Variants in OVCH1 observed in about 807,000 individuals in gnomAD.
OVCH1 encodes ovochymase 1.
In OVCH1, 139 loss-of-function variants were observed where a neutral mutation model predicts 138.4. The observed-to-expected ratio is 1.00, with a 90% CI of 0.87 to 1.16. The LOEUF (loss-of-function observed/expected upper bound fraction) is 1.16. Ranked by LOEUF, OVCH1 falls within the 50% of genes most tolerant of loss-of-function variation. The pLI, the probability that OVCH1 is intolerant of heterozygous loss-of-function variation, is 0.00. For missense variants in OVCH1, 1,367 were observed against 1,357.9 expected, an observed-to-expected ratio of 1.01 and a Z score of -0.11; for synonymous variants, 453 against 467.8, an observed-to-expected ratio of 0.97 and a Z score of 0.41.
intron 7 of OVCH1, 100 bp from the exon 8 acceptor site, chr12:29,486,448 T>G: frequency 1.0e-6 from 1 of 965,814 alleles, no homozygotes; most frequent in Non-Finnish European, 1.5e-6. Context: ...GAATTATAAC[T>G]TCTACTAAAA....
Position 29,467,330 on chromosome 12 carries a change from A to G in OVCH1, c.1857-2111T>C, listed in dbSNP as rs572984482. The stretch of plus-strand genomic sequence containing the variant: ...TCCACAGTTTCTCATGATGTTTTAC[A>G]TGTACAGTCAGCAAATATCCTTCAG... On this transcript the variant is annotated intron_variant, in intron 16 of 27. Coordinates refer to ENST00000318184, the Ensembl canonical transcript of OVCH1. 2.0e-4 allele frequency among the ~76,000 whole-genome samples: 30 copies of G among 152,300 alleles called. 1 individual carries two copies. The South Asian group carries it at 5.0e-3, about 25-fold the overall frequency.
intron 22 of OVCH1, among the ~76,000 whole-genome samples, chr12:29,448,396 G>T (rs1236550997): frequency 6.6e-6 from 1 of 151,736 alleles, no homozygotes; most frequent in Admixed American, 6.6e-5. Context: ...TGGAGGCAGG[G>T]GCGTGATACA....
chr12:29,405,392 T>A, the OVCH1 span, among the ~76,000 whole-genome samples: 2 of 152,202 alleles, frequency 1.3e-5, no homozygotes, highest in African/African-American at 2.4e-5. Context: ...TTGGTGTTTT[T>A]AAATATCCAT....
chr12:29,413,661 T>TACACACACACACACACAC (rs34675791), intron 3 of OVCH1, among the ~76,000 whole-genome samples: 3 of 149,044 alleles, frequency 2.0e-5, no homozygotes, highest in African/African-American at 7.5e-5. Context: ...CTGTGTGTAT[T>TACACACACACACACACAC]ACACACATAC....
In OVCH1 at chr12:29,450,040, G is replaced by A. The variant is rs753781842; in HGVS notation, c.2755+1305C>T. Among the ~76,000 whole-genome samples the A allele has an allele frequency of 6.6e-5, 10 of 152,024 alleles. No homozygotes were observed. In the South Asian group the frequency reaches 8.3e-4, roughly 13 times the overall value. On this transcript the variant is annotated intron_variant, in intron 22 of 27. Transcript: ENST00000318184. Reference sequence around the variant, plus strand: ...CGCAAGATGGATTAAAGACTTAAACGTAAGACCTAAAACCCTAAAAACCCT... The same window carrying A: ...CGCAAGATGGATTAAAGACTTAAACATAAGACCTAAAACCCTAAAAACCCT...
At chr12:29,460,238 G>A (rs534794028) in intron 19 of OVCH1, among the ~76,000 whole-genome samples, 22 of 152,148 alleles carry the variant, frequency 1.4e-4, no homozygotes, top group African/African-American at 3.6e-4. Flanking sequence ...TTTTCTTTCC[G>A]CACAAAATAA....
rs532947588 is a variant in OVCH1 at position 29,466,579 on chromosome 12, C to T, written c.1857-1360G>A. 1.8e-4 allele frequency among the ~76,000 whole-genome samples: 28 copies of T among 152,206 alleles called. 1 individual carries two copies. In the South Asian group the frequency reaches 5.6e-3, roughly 30 times the overall value. ...AACTATTGCGTTAGAAATCAGAATG[C>T]TGATTACTTTTAGGGGAGTGATGAC... On this transcript the variant is annotated intron_variant, in intron 16 of 27. Coordinates refer to ENST00000318184, the Ensembl canonical transcript of OVCH1.
At chr12:29,408,622 A>G (rs1344844394), downstream of OVCH1, among the ~76,000 whole-genome samples, 1 of 131,324 alleles carries the variant, frequency 7.6e-6, no homozygotes, top group African/African-American at 2.7e-5. Flanking sequence ...ATTGATTTGC[A>G]TATATTGAAC....
chr12:29,454,601 C>CAA (rs1319450607), intron 21 of OVCH1, among the ~76,000 whole-genome samples: 9 of 152,160 alleles, frequency 5.9e-5, no homozygotes, highest in Admixed American at 5.2e-4. Context: ...CTCCAATATT[C>CAA]AAGCACTGGT....
chr12:29,430,557 T>A (rs376408503), intron 27 of OVCH1, among the ~76,000 whole-genome samples: 12 of 152,164 alleles, frequency 7.9e-5, no homozygotes, highest in African/African-American at 2.7e-4. Flanking sequence ...TATGACTGTC[T>A]CTGCTGTGTC....
At chr12:29,455,218 ATTG>A in intron 20 of OVCH1, 28 bp downstream of exon 20, 1 of 1,604,224 alleles carries the variant, frequency 6.2e-7, no homozygotes, top group Non-Finnish European at 8.5e-7. Context: ...GAAAGAGGTT[ATTG>A]TTTTAATAAC....
Position 29,489,782 on chromosome 12 carries a change from A to G in OVCH1, c.551-11T>C, listed in dbSNP as rs1353537720. On this transcript the variant is annotated splice_polypyrimidine_tract_variant and intron_variant, in intron 5 of 27. Coordinates refer to ENST00000318184, the Ensembl canonical transcript of OVCH1. ...TTGAATATTCTGATGCTGTAGAGAG[A>G]GGACAGATAAGTTAGCACACAATAT... is the stretch of plus-strand genomic sequence containing the variant. The G allele has an allele frequency of 1.2e-6, 2 of 1,605,504 alleles. No homozygotes were observed. The highest frequency in any genetic ancestry group is 1.7e-6 in the Non-Finnish European group (2 of 1,175,810).
chr12:29,414,020 CTTTTTTTTTT>C (rs74937229), intron 3 of OVCH1, among the ~76,000 whole-genome samples: 4 of 38,528 alleles, frequency 1.0e-4, no homozygotes, highest in Admixed American at 8.5e-4. Context: ...CTCTCTCTCT[CTTTTTTTTTT>C]TTTTTTTTTT....
chr12:29,458,224 A>C (rs1407574601), intron 19 of OVCH1, among the ~76,000 whole-genome samples: 1 of 152,220 alleles, frequency 6.6e-6, no homozygotes, highest in Non-Finnish European at 1.5e-5. Context: ...TGATCACATT[A>C]CCTGACTTCG....
chr12:29,447,017 A>AG (rs1277347494), intron 22 of OVCH1, among the ~76,000 whole-genome samples: 1 of 152,152 alleles, frequency 6.6e-6, no homozygotes, highest in Non-Finnish European at 1.5e-5. Context: ...TAAATGACAA[A>AG]GGAAAGCATT....
rs771624539 is a variant in OVCH1 at position 29,451,317 on chromosome 12, A to G, written c.2755+28T>C. 1.2e-5 allele frequency: 19 copies of G among 1,578,676 alleles called. No homozygotes were observed. In the Admixed American group the frequency reaches 3.1e-4, roughly 26 times the overall value. ...GCCTACATGGACCAAGACTCCTAGC[A>G]CGAAGTTTATATGCCAGGAAGGATT... is the stretch of plus-strand genomic sequence containing the variant. On this transcript the variant is annotated intron_variant, in intron 22 of 27. Coordinates refer to ENST00000318184, the Ensembl canonical transcript of OVCH1.
chr12:29,427,255 T>C (rs1005819687), downstream of OVCH1, among the ~76,000 whole-genome samples: 10 of 152,176 alleles, frequency 6.6e-5, no homozygotes, highest in African/African-American at 1.9e-4. Flanking sequence ...CTTTTTCTTT[T>C]AAAAATCAAA....
At chr12:29,430,959 G>A in intron 27 of OVCH1, 2 of 513,288 alleles carry the variant, frequency 3.9e-6, no homozygotes, top group Non-Finnish European at 7.8e-6. Context: ...GGTTTGCTAA[G>A]GCACCAAGCA....
chr12:29,412,368 C>T (rs897489318), downstream of OVCH1: 1 of 152,632 alleles, frequency 6.6e-6, no homozygotes, highest in African/African-American at 2.4e-5. Flanking sequence ...GTGAGATGAA[C>T]CCGGTACCTC....
Sources: allele counts gnomAD v4.1 joint callset (sites outside exome capture counted in the v4.1 genomes callset), GRCh38; gene constraint gnomAD v4.1.1; transcripts MANE v1.5; gene names NCBI Gene and HGNC (gene_info 2026-07-23, HGNC 2026-07-21).